Variants in PRKCE observed in about 807,000 individuals in gnomAD.
PRKCE encodes protein kinase C epsilon type.
In PRKCE, 16 loss-of-function variants were observed where a neutral mutation model predicts 85.4. That is an observed-to-expected ratio of 0.19 (90% CI 0.13 to 0.28). PRKCE has a LOEUF of 0.28. PRKCE is among the 10% of genes least tolerant of loss of function. PRKCE has a pLI of 1.00. For missense variants in PRKCE, 573 were observed against 975.2 expected (o/e 0.59, Z 5.49); for synonymous variants, 388 against 371.5 (o/e 1.04, Z -0.51).
intron 10 of PRKCE, among the ~76,000 whole-genome samples, chr2:46,014,275 T>G (rs1192701571): frequency 6.6e-6 from 1 of 152,218 alleles, no homozygotes; most frequent in Non-Finnish European, 1.5e-5. Context: ...TGATTTAATT[T>G]ACTGTCAAAA....
rs143642933 is a variant in PRKCE, at chr2:46,068,226, G to C, written c.1438-17982G>C. Among the ~76,000 whole-genome samples the C allele has an allele frequency of 3.3e-3, 495 of 152,246 alleles. 2 individuals carry two copies. Among genetic ancestry groups the C allele is most frequent in the African/African-American group, 0.011 (477 of 41,526 alleles). Reference sequence around the variant, plus strand: ...TAATCTATTTTGGTGAGCCACTTGAGTCATAGGCTATCTAACTTACGAGCA... The same window carrying C: ...TAATCTATTTTGGTGAGCCACTTGACTCATAGGCTATCTAACTTACGAGCA... On this transcript the variant is annotated intron_variant, in intron 10 of 14. Transcript: ENST00000306156. The surrounding 1 kb of genome is among the most constrained non-coding windows in gnomAD (Gnocchi z 4.3).
chr2:45,700,151 G>A (rs1678503396), intron 1 of PRKCE, among the ~76,000 whole-genome samples: 1 of 151,500 alleles, frequency 6.6e-6, no homozygotes, highest in South Asian at 2.1e-4. Context: ...AAGTAGCAGA[G>A]GGCTAACATC....
intron 1 of PRKCE, among the ~76,000 whole-genome samples, chr2:45,829,211 G>A (rs1455481878): frequency 2.0e-5 from 3 of 152,170 alleles, no homozygotes; most frequent in Admixed American, 1.3e-4. Context: ...AAGTGGAATT[G>A]CAAGATTAAA....
chr2:45,919,907 G>A (rs1573880885), intron 2 of PRKCE, among the ~76,000 whole-genome samples: 1 of 152,368 alleles, frequency 6.6e-6, no homozygotes, highest in Admixed American at 6.5e-5. Flanking sequence ...TGTTCACTAG[G>A]TGTGGAAAAG....
intron 1 of PRKCE, among the ~76,000 whole-genome samples, chr2:45,758,316 A>G (rs1379935787): frequency 1.3e-5 from 2 of 152,370 alleles, no homozygotes; most frequent in Non-Finnish European, 2.9e-5. Context: ...CATGCCTGGC[A>G]TAAACTAAGT....
chr2:45,962,802 A>G (rs1701468388), intron 2 of PRKCE, among the ~76,000 whole-genome samples: 1 of 152,080 alleles, frequency 6.6e-6, no homozygotes, highest in South Asian at 2.1e-4. Flanking sequence ...TGCTGTGTGC[A>G]TGTGCGTGTC....
chr2:45,917,451 G>A (rs1697886824), intron 2 of PRKCE, among the ~76,000 whole-genome samples: 1 of 151,998 alleles, frequency 6.6e-6, no homozygotes, highest in African/African-American at 2.4e-5. Flanking sequence ...GTGTCAATTG[G>A]TGCATTCACA....
intron 2 of PRKCE, among the ~76,000 whole-genome samples, chr2:45,878,606 G>A (rs368006805): frequency 2.6e-5 from 4 of 152,114 alleles, no homozygotes; most frequent in Admixed American, 6.5e-5. Flanking sequence ...ATTTTACTGC[G>A]TTAAAGAAGA....
intron 10 of PRKCE, among the ~76,000 whole-genome samples, chr2:46,011,337 T>C (rs891330963): frequency 6.6e-6 from 1 of 152,258 alleles, no homozygotes; most frequent in African/African-American, 2.4e-5. Context: ...ACCTTGCTTC[T>C]GGGTGTATTC....
At chr2:45,740,260 C>T (rs760996180) in intron 1 of PRKCE, among the ~76,000 whole-genome samples, 10 of 152,248 alleles carry the variant, frequency 6.6e-5, no homozygotes, top group Middle Eastern at 3.4e-3. Flanking sequence ...GAAGCTGTGC[C>T]CCTAACTCTC....
intron 10 of PRKCE, among the ~76,000 whole-genome samples, chr2:46,048,471 T>C (rs751227580): frequency 4.6e-5 from 7 of 152,346 alleles, no homozygotes; most frequent in Non-Finnish European, 8.8e-5. Context: ...CTGGGCTCAA[T>C]GTCCCACCAG....
chr2:46,162,181 C>A (rs963679305), intron 14 of PRKCE, among the ~76,000 whole-genome samples: 1 of 152,112 alleles, frequency 6.6e-6, no homozygotes, highest in Admixed American at 6.5e-5. Flanking sequence ...GAAATATATC[C>A]CTGGGTCAGG....
intron 10 of PRKCE, 117 bp from the exon 11 acceptor site, chr2:46,086,091 C>A: frequency 2.7e-6 from 3 of 1,094,630 alleles, no homozygotes; most frequent in Non-Finnish European, 4.0e-6. Flanking sequence ...ATTCACCCAC[C>A]TTTGAGGCTT....
chr2:46,027,004 A>C (rs1316613406), intron 10 of PRKCE, among the ~76,000 whole-genome samples: 2 of 152,034 alleles, frequency 1.3e-5, no homozygotes, highest in African/African-American at 4.8e-5. Context: ...CTGTCTCTAC[A>C]AAAAATTGTT....
rs566357790 is a variant in PRKCE, at chr2:45,915,039, C to T, written c.413-61390C>T. Among the ~76,000 whole-genome samples the T allele has an allele frequency of 7.2e-5, 11 of 152,312 alleles. No individual in the cohort carries two copies. The South Asian group carries it at 2.1e-3, about 29-fold the overall frequency. On this transcript the variant is annotated intron_variant, in intron 2 of 14. Coordinates refer to ENST00000306156, the MANE Select transcript of PRKCE (RefSeq NM_005400.3). ...GCCACCTCCACCTTCTGGGTTCAAG[C>T]GAGCACCTCCAGCTAATCTTTGTAT...
intron 14 of PRKCE, among the ~76,000 whole-genome samples, chr2:46,182,715 C>T (rs762052001): frequency 3.9e-5 from 6 of 152,178 alleles, no homozygotes; most frequent in African/African-American, 7.2e-5. Context: ...CAACCTGGGA[C>T]GAGTTGAAAA....
At chr2:45,865,171 A>G (rs184693509) in intron 2 of PRKCE, among the ~76,000 whole-genome samples, 2 of 152,338 alleles carry the variant, frequency 1.3e-5, no homozygotes, top group Admixed American at 1.3e-4. Context: ...CTCCTAGGCG[A>G]TGCCAGTTCT....
At chr2:45,721,085 C>A (rs186612902) in intron 1 of PRKCE, among the ~76,000 whole-genome samples, 1 of 151,940 alleles carries the variant, frequency 6.6e-6, no homozygotes, top group Non-Finnish European at 1.5e-5. Flanking sequence ...CCAGCCTGGG[C>A]GACACAGCGA....
chr2:46,102,445 A>G (rs1166261214), intron 11 of PRKCE, among the ~76,000 whole-genome samples: 1 of 152,200 alleles, frequency 6.6e-6, no homozygotes, highest in African/African-American at 2.4e-5. Flanking sequence ...AGTTGCAAAG[A>G]TAGAACAGAG....
Sources: gnomAD v4.1 joint callset for allele counts (sites outside exome capture counted in the v4.1 genomes callset) on GRCh38, gnomAD v4.1.1 for gene constraint, Gnocchi (gnomAD v3.1) non-coding constraint, MANE v1.5 for transcripts, NCBI Gene and HGNC (gene_info 2026-07-23, HGNC 2026-07-21) for gene names.